The following NCOA2 variants were observed in gnomAD, a reference collection of about 807,000 sequenced individuals.
The protein encoded by NCOA2 is class E basic helix-loop-helix protein 75.
A neutral mutation model predicts 145.1 loss-of-function variants in NCOA2; 21 were observed. That is an observed-to-expected ratio of 0.14 (90% CI 0.10 to 0.21). The LOEUF (loss-of-function observed/expected upper bound fraction) is 0.21, where lower values mean the gene tolerates loss of function less well. Among genes scored for constraint, NCOA2 ranks in the 10% least tolerant of loss-of-function variants. The pLI, the probability that NCOA2 is intolerant of heterozygous loss-of-function variation, is 1.00. For synonymous variants in NCOA2, 619 were observed against 637.5 expected (o/e 0.97, Z 0.44); for missense variants, 1,472 against 1,837.6 (o/e 0.80, Z 3.64).
At chr8:70,337,692 G>A (rs749306497) in intron 1 of NCOA2, among the ~76,000 whole-genome samples, 24 of 152,090 alleles carry the variant, frequency 1.6e-4, no homozygotes, top group Admixed American at 2.6e-4. Context: ...AGCTGATCAC[G>A]TAATTGGAAT....
chr8:70,121,636 C>A (rs1021478044), intron 21 of NCOA2, among the ~76,000 whole-genome samples: 1 of 152,172 alleles, frequency 6.6e-6, no homozygotes, highest in African/African-American at 2.4e-5. Context: ...GCATGCTGTA[C>A]AGAAATCAAA....
At chr8:70,272,725 T>A (rs1236001471) in intron 2 of NCOA2, among the ~76,000 whole-genome samples, 1 of 152,142 alleles carries the variant, frequency 6.6e-6, no homozygotes, top group Non-Finnish European at 1.5e-5. Flanking sequence ...TTTGATACAA[T>A]TGTACAAAAG....
rs1220538772 is a variant in NCOA2 at position 70,126,591 on chromosome 8, G to A, written c.3916+222C>T. 5.2e-6 allele frequency: 3 copies of A among 576,586 alleles called. No individual in the cohort carries two copies. The Admixed American group carries it at 9.0e-5, about 17-fold the overall frequency. The allele number at this position is 576,586 out of a possible 1,614,324, so 35.7% of individuals were successfully genotyped here. A position where few individuals can be genotyped will look rare whatever the true frequency, so the allele number is the denominator to read the frequency against. ...ATTCTTAAAGTAAGACCTGCACTCA[G>A]AGAAAAGGAGGTACCTGAGCTGAGA... is the stretch of plus-strand genomic sequence containing the variant. On this transcript the variant is annotated intron_variant, in intron 19 of 22. Transcript: ENST00000452400.
chr8:70,224,825 C>T (rs1406450257), intron 2 of NCOA2, among the ~76,000 whole-genome samples: 1 of 151,512 alleles, frequency 6.6e-6, no homozygotes, highest in African/African-American at 2.4e-5. Context: ...ATAAGAAGTA[C>T]AACTGGCAAA....
intron 1 of NCOA2, among the ~76,000 whole-genome samples, chr8:70,349,990 T>C (rs553567783): frequency 3.4e-4 from 52 of 152,242 alleles, no homozygotes; most frequent in African/African-American, 1.2e-3. Flanking sequence ...CTCAATTACA[T>C]CTTCCTCCTC....
At chr8:70,185,947 T>C (rs1816022923) in intron 4 of NCOA2, among the ~76,000 whole-genome samples, 1 of 152,208 alleles carries the variant, frequency 6.6e-6, no homozygotes, top group African/African-American at 2.4e-5. Context: ...CTTCTCTACA[T>C]GTATGTTTAT....
chr8:70,318,534 G>A (rs1442937255), intron 1 of NCOA2, among the ~76,000 whole-genome samples: 1 of 152,180 alleles, frequency 6.6e-6, no homozygotes, highest in Non-Finnish European at 1.5e-5. Flanking sequence ...GGGAGGCAAG[G>A]AGGGCAGATC....
At chr8:70,340,878 A>G (rs974255066) in intron 1 of NCOA2, among the ~76,000 whole-genome samples, 1 of 152,138 alleles carries the variant, frequency 6.6e-6, no homozygotes, top group Non-Finnish European at 1.5e-5. Flanking sequence ...GAGTTGAATG[A>G]TAAGAACACA....
chr8:70,164,745 T>C (rs1329505420), intron 7 of NCOA2, among the ~76,000 whole-genome samples: 2 of 151,986 alleles, frequency 1.3e-5, no homozygotes, highest in African/African-American at 2.4e-5. Context: ...TATCCAGTAA[T>C]AGCTGGTATC....
chr8:70,130,905 G>C (rs1809019514), intron 16 of NCOA2, among the ~76,000 whole-genome samples: 1 of 152,196 alleles, frequency 6.6e-6, no homozygotes, highest in East Asian at 1.9e-4. Context: ...AGTTAGCTGT[G>C]CAGTCAGTTC....
intron 1 of NCOA2, among the ~76,000 whole-genome samples, chr8:70,375,315 G>A (rs374970476): frequency 2.0e-5 from 3 of 152,120 alleles, no homozygotes; most frequent in South Asian, 2.1e-4. Context: ...ACCCAACTCC[G>A]TATGCCAAAA....
At chr8:70,414,363 G>A in the NCOA2 span, among the ~76,000 whole-genome samples, 21 of 151,990 alleles carry the variant, frequency 1.4e-4, no homozygotes, top group East Asian at 2.7e-3. Flanking sequence ...CTTTTTAATA[G>A]TGGTTTCATT....
chr8:70,360,603 T>C (rs994991437), intron 1 of NCOA2, among the ~76,000 whole-genome samples: 2 of 152,118 alleles, frequency 1.3e-5, no homozygotes, highest in Non-Finnish European at 2.9e-5. Context: ...ACCATTCATT[T>C]CCACATAAAC....
At chr8:70,396,224 T>C (rs1215190669) in intron 1 of NCOA2, among the ~76,000 whole-genome samples, 2 of 152,372 alleles carry the variant, frequency 1.3e-5, no homozygotes, top group Non-Finnish European at 2.9e-5. Flanking sequence ...CAAATACCTG[T>C]ATCAGCATTC....
intron 2 of NCOA2, among the ~76,000 whole-genome samples, chr8:70,260,386 G>C (rs189623544): frequency 1.8e-3 from 277 of 152,222 alleles, no homozygotes; most frequent in Non-Finnish European, 2.9e-3. Flanking sequence ...ACCCGCCTCA[G>C]CCTCCCAAAG....
rs1263290456 is a variant in NCOA2 at position 70,213,113 on chromosome 8, C to A, written c.259+790G>T. Among the ~76,000 whole-genome samples, 126 of 133,362 alleles carry A rather than the reference C, an allele frequency of 9.4e-4. 1 individual carries two copies. The highest frequency in any genetic ancestry group is 3.3e-3 in the African/African-American group (115 of 34,628). The allele number at this position is 133,362 out of a possible 152,430, so 87.5% of individuals were successfully genotyped here. A position where few individuals can be genotyped will look rare whatever the true frequency, so the allele number is the denominator to read the frequency against. On this transcript the variant is annotated intron_variant, in intron 4 of 22. Coordinates refer to ENST00000452400, the MANE Select transcript of NCOA2 (RefSeq NM_006540.4). ...AAACACCAAAAAAAAAAAAAAAAAA[C>A]CACACCAGATTACAAAAGATAATAA...
chr8:70,181,799 CTA>C (rs1815512200), intron 4 of NCOA2, among the ~76,000 whole-genome samples: 1 of 152,304 alleles, frequency 6.6e-6, no homozygotes, highest in East Asian at 1.9e-4. Context: ...TCCACAATTT[CTA>C]TGTTTTCCTG....
intron 4 of NCOA2, among the ~76,000 whole-genome samples, chr8:70,204,703 T>G (rs1322073525): frequency 1.3e-5 from 2 of 152,146 alleles, no homozygotes; most frequent in Non-Finnish European, 2.9e-5. Flanking sequence ...TCAAAACCGC[T>G]GCAGGTGGCT....
intron 1 of NCOA2, among the ~76,000 whole-genome samples, chr8:70,378,155 T>C (rs907795293): frequency 1.2e-4 from 18 of 152,092 alleles, no homozygotes; most frequent in African/African-American, 4.1e-4. Flanking sequence ...TTGAATAAAA[T>C]AGCCACAAAC....
Sources: gnomAD v4.1 joint callset for allele counts (sites outside exome capture counted in the v4.1 genomes callset) on GRCh38, gnomAD v4.1.1 for gene constraint, MANE v1.5 for transcripts, NCBI Gene and HGNC (gene_info 2026-07-23, HGNC 2026-07-21) for gene names.